Variants in CARD8 observed in about 807,000 individuals in gnomAD.
CARD8 encodes caspase recruitment domain family member 8.
CARD8 carries 38 observed loss-of-function variants against 53.2 expected under a neutral mutation model. The ratio of observed to expected loss-of-function variants is 0.71; its 90% CI spans 0.55 to 0.94. The LOEUF is 0.94. CARD8 is among the 40% of genes least tolerant of loss of function. CARD8 has a pLI of 0.00. For synonymous variants in CARD8, 245 were observed against 244.9 expected (o/e 1.00, Z 0.00); for missense variants, 561 against 655.5 (o/e 0.86, Z 1.57).
At chr19:48,240,832 G>T in intron 4 of CARD8, 130 bp downstream of exon 4, 1 of 765,406 alleles carries the variant, frequency 1.3e-6, no homozygotes, top group Non-Finnish European at 2.1e-6. Context: ...TGCAGAGATG[G>T]GTGAATGAAT....
At chr19:48,245,368 C>G (rs1044060563) in intron 3 of CARD8, among the ~76,000 whole-genome samples, 71 of 151,960 alleles carry the variant, frequency 4.7e-4, no homozygotes, top group African/African-American at 1.5e-3. Flanking sequence ...CACCACCATG[C>G]CTGGCTAATT....
chr19:48,253,286 A>C (rs1001702167), intron 1 of CARD8, among the ~76,000 whole-genome samples: 4 of 151,786 alleles, frequency 2.6e-5, no homozygotes, highest in Non-Finnish European at 5.9e-5. Flanking sequence ...GGTTTCACCA[A>C]TTTGGCCAGG....
At chr19:48,223,841 G>A in intron 10 of CARD8, 2 of 456,154 alleles carry the variant, frequency 4.4e-6, no homozygotes, top group South Asian at 1.5e-5. Context: ...TTTGTTCACT[G>A]ATGTATCCTC....
rs564545401 is a variant in CARD8, at chr19:48,233,058, C to G, written c.351-565G>C. The G allele has an allele frequency of 4.6e-4, 161 of 351,866 alleles. 3 individuals carry two copies. The highest frequency in any genetic ancestry group is 3.5e-3 in the South Asian group (159 of 45,578). The allele number at this position is 351,866 out of a possible 1,614,324, so 21.8% of individuals were successfully genotyped here. The stretch of plus-strand genomic sequence containing the variant: ...ATTTATATTCCAAGGTAATTCCAAA[C>G]TTGACCACACCTGGGAAGCTTTAAA... On this transcript the variant is annotated intron_variant, in intron 6 of 13. Coordinates refer to ENST00000651546, the MANE Select transcript of CARD8 (RefSeq NM_001184900.3).
At position 48,243,744 on chromosome 19, in the gene CARD8, A is replaced by G. The variant is rs183942161; in HGVS notation, c.-43-2681T>C. On this transcript the variant is annotated intron_variant, in intron 3 of 13. Transcript: ENST00000651546. ...TTTGTGCCTGTAGTCCCAGCTACTCAGGAGGCTGAAGTGACAGGATCCCTT... is the reference window on the plus strand; with the variant it reads ...TTTGTGCCTGTAGTCCCAGCTACTCGGGAGGCTGAAGTGACAGGATCCCTT... 5.1e-3 allele frequency among the ~76,000 whole-genome samples: 776 copies of G among 152,272 alleles called. 2 individuals carry two copies. Among genetic ancestry groups the G allele is most frequent in the Non-Finnish European group, 7.5e-3 (513 of 68,020 alleles).
chr19:48,212,234 T>C (rs2038137702), intron 13 of CARD8, among the ~76,000 whole-genome samples: 2 of 152,214 alleles, frequency 1.3e-5, no homozygotes, highest in African/African-American at 4.8e-5. Context: ...TTCTTCCTAG[T>C]TGGTGTTTTT....
chr19:48,238,731 C>T (rs111409224), intron 4 of CARD8, among the ~76,000 whole-genome samples, 199 bp from the exon 5 acceptor site: 2 of 150,840 alleles, frequency 1.3e-5, no homozygotes, highest in Admixed American at 1.3e-4. Context: ...TCCTTAGAGA[C>T]ATCCATCCTT....
At chr19:48,216,734 C>G (rs12052070) in intron 12 of CARD8, among the ~76,000 whole-genome samples, 69,145 of 151,970 alleles carry the variant, frequency 0.45, 16,995 homozygotes, top group Non-Finnish European at 0.56. Context: ...AAAGAGCAGA[C>G]AGTCTACACC....
chr19:48,230,366 CT>C lies in CARD8; in HGVS notation c.1035+71del, dbSNP rs1208602864. 22 of 1,493,356 alleles carry C rather than the reference CT, an allele frequency of 1.5e-5. No individual in the cohort carries two copies. The Admixed American group carries it at 4.6e-4, about 31-fold the overall frequency. 92.5% of individuals were successfully genotyped at this position (1,493,356 alleles called of 1,614,324 possible). A position where few individuals can be genotyped will look rare whatever the true frequency, so the allele number is the denominator to read the frequency against. On this transcript the variant is annotated intron_variant, in intron 10 of 13. Coordinates refer to ENST00000651546, the MANE Select transcript of CARD8 (RefSeq NM_001184900.3). ...CTTGCCCTTTCTGTTCCACGAGGAACTGGAGGGGCCAAGGGGATAACCTGGA... is the reference window on the plus strand; with the variant it reads ...CTTGCCCTTTCTGTTCCACGAGGAACGGAGGGGCCAAGGGGATAACCTGGA...
chr19:48,231,261 C>T (rs937751799), intron 8 of CARD8, among the ~76,000 whole-genome samples: 1 of 152,226 alleles, frequency 6.6e-6, no homozygotes. Context: ...TTTTAGCTAT[C>T]ATAAGGGATG....
At chr19:48,220,959 A>AAGGAAGGG (rs2040420701) in intron 11 of CARD8, among the ~76,000 whole-genome samples, 1 of 77,900 alleles carries the variant, frequency 1.3e-5, no homozygotes, top group South Asian at 5.2e-4. Context: ...AAAGGAAAGG[A>AAGGAAGGG]AGGAAGGAAG....
At chr19:48,252,495 A>G (rs1257982171) in intron 1 of CARD8, among the ~76,000 whole-genome samples, 2 of 142,740 alleles carry the variant, frequency 1.4e-5, no homozygotes, top group African/African-American at 5.2e-5. Context: ...TATAATATAT[A>G]TAATTTTTTT....
At chr19:48,215,174 A>C in intron 13 of CARD8, 166 bp downstream of exon 13, 2 of 555,954 alleles carry the variant, frequency 3.6e-6, no homozygotes, top group Non-Finnish European at 3.3e-6. Context: ...CCCCTCAGTC[A>C]AATTCTGTCT....
chr19:48,227,235 C>G (rs754200564), intron 10 of CARD8, among the ~76,000 whole-genome samples: 1 of 152,016 alleles, frequency 6.6e-6, no homozygotes, highest in Non-Finnish European at 1.5e-5. Flanking sequence ...AAAGTTGAGT[C>G]AATATATACA....
chr19:48,219,038 G>C, intron 11 of CARD8, 26 bp from the exon 12 acceptor site: 1 of 1,612,894 alleles, frequency 6.2e-7, no homozygotes. Flanking sequence ...CAGTTGACTT[G>C]AAGCAGTGGA....
intron 10 of CARD8, among the ~76,000 whole-genome samples, chr19:48,229,378 T>G (rs1431560236): frequency 6.6e-6 from 1 of 152,212 alleles, no homozygotes; most frequent in Non-Finnish European, 1.5e-5. Context: ...GGGCTCAGAA[T>G]GAAAACAGAA....
chr19:48,220,986 GAAGGAAGGAAAGAAAGAAAGAA>G (rs1568696720), intron 11 of CARD8, among the ~76,000 whole-genome samples: 30 of 98,644 alleles, frequency 3.0e-4, no homozygotes, highest in African/African-American at 1.1e-3. Flanking sequence ...AGGAAGGAAG[GAAGGAAGGAAAGAAAGAAAGAA>G]AAAGAAAGAA....
At chr19:48,251,267 A>G (rs2046897519) in intron 1 of CARD8, among the ~76,000 whole-genome samples, 1 of 152,254 alleles carries the variant, frequency 6.6e-6, no homozygotes, top group Non-Finnish European at 1.5e-5. Flanking sequence ...AAAAGGTCGA[A>G]TTAAGTGAGA....
Position 48,231,745 on chromosome 19 carries a change from C to A in CARD8, c.457G>T (p.Glu153Ter), listed in dbSNP as rs774410020. 2 of 1,613,516 alleles carry A rather than the reference C, an allele frequency of 1.2e-6. No homozygotes were observed. Among genetic ancestry groups the A allele is most frequent in the East Asian group, 4.5e-5 (2 of 44,846 alleles). The change falls in exon 8 of 14, where the codon GAA (glutamate) becomes TAA (stop). Residue 153 changes from glutamate to a stop codon, truncating the protein, a stop_gained. Transcript: ENST00000651546. LOFTEE classifies it high-confidence loss of function. ...AACTGACGATTTTTATAATCTTCTT[C>A]GATCTCAAAACAGACTTTAGAAGCA... ...SYASKVCFEI[E>*]EDYKNRQFLG...
Sources: allele counts gnomAD v4.1 joint callset (sites outside exome capture counted in the v4.1 genomes callset), GRCh38; gene constraint gnomAD v4.1.1; transcripts MANE v1.5; gene names NCBI Gene and HGNC (gene_info 2026-07-23, HGNC 2026-07-21).